Variants in BRINP1 observed in about 807,000 individuals in gnomAD.
BRINP1 encodes the protein BMP/retinoic acid inducible neural specific 1.
In BRINP1, 17 loss-of-function variants were observed where a neutral mutation model predicts 72.9. The observed-to-expected ratio is 0.23, with a 90% confidence interval of 0.16 to 0.35. The LOEUF is 0.35. Among genes scored for constraint, BRINP1 ranks in the 10% least tolerant of loss-of-function variants. BRINP1 has a pLI of 1.00. For synonymous variants in BRINP1, 418 were observed against 378.5 expected (o/e 1.10, Z -1.21); for missense variants, 850 against 1,001.6 (o/e 0.85, Z 2.04).
intron 1 of BRINP1, among the ~76,000 whole-genome samples, chr9:119,326,927 G>A (rs1353953870): frequency 6.6e-6 from 1 of 152,142 alleles, no homozygotes; most frequent in Non-Finnish European, 1.5e-5. Flanking sequence ...ACATTTGTGA[G>A]GTAATGAAAA....
intron 7 of BRINP1, among the ~76,000 whole-genome samples, chr9:119,184,365 C>T (rs1007648807): frequency 6.6e-6 from 1 of 152,000 alleles, no homozygotes; most frequent in Non-Finnish European, 1.5e-5. Flanking sequence ...TTTTTCCTGC[C>T]CATAAATAGA....
intron 5 of BRINP1, among the ~76,000 whole-genome samples, chr9:119,218,343 AC>A (rs1304831200): frequency 6.6e-6 from 1 of 151,716 alleles, no homozygotes; most frequent in African/African-American, 2.4e-5. Context: ...TAGGGTTTCA[AC>A]ATGTTGGTCA....
chr9:119,315,076 G>T (rs1194009593), intron 1 of BRINP1, among the ~76,000 whole-genome samples: 1 of 152,052 alleles, frequency 6.6e-6, no homozygotes, highest in Non-Finnish European at 1.5e-5. Flanking sequence ...AGCGTTATTT[G>T]TTTACTCCTC....
At chr9:119,359,739 A>G (rs560637300) in intron 1 of BRINP1, among the ~76,000 whole-genome samples, 1 of 152,346 alleles carries the variant, frequency 6.6e-6, no homozygotes, top group Admixed American at 6.5e-5. Context: ...CTCTGAGCTC[A>G]GTTTCAACCT....
chr9:119,199,762 T>C (rs1855076), intron 7 of BRINP1, among the ~76,000 whole-genome samples: 23,657 of 151,822 alleles, frequency 0.16, 2,219 homozygotes, highest in Admixed American at 0.26. Flanking sequence ...TTTTATCTCA[T>C]TTCATTGAAT....
At chr9:119,304,553 T>C (rs972458608) in intron 2 of BRINP1, among the ~76,000 whole-genome samples, 2 of 152,182 alleles carry the variant, frequency 1.3e-5, no homozygotes, top group African/African-American at 4.8e-5. Flanking sequence ...CCTTGAGAGA[T>C]AAAGAAATTG....
At chr9:119,186,874 C>T (rs926934606) in intron 7 of BRINP1, among the ~76,000 whole-genome samples, 2 of 152,090 alleles carry the variant, frequency 1.3e-5, no homozygotes, top group African/African-American at 4.8e-5. Context: ...CTGTTATGTC[C>T]CACCATTCCA....
In BRINP1 at chr9:119,166,952, G is replaced by A; in HGVS notation, c.*132C>T. The A allele has an allele frequency of 3.0e-6, 3 of 1,015,066 alleles. No homozygotes were observed. The highest frequency in any genetic ancestry group is 4.3e-6 in the Non-Finnish European group (3 of 690,092). 62.9% of individuals were successfully genotyped at this position (1,015,066 alleles called of 1,614,324 possible). A position where few individuals can be genotyped will look rare whatever the true frequency, so the allele number is the denominator to read the frequency against. On this transcript the variant is annotated 3_prime_UTR_variant, in exon 8 of 8. Coordinates refer to ENST00000265922, the MANE Select transcript of BRINP1 (RefSeq NM_014618.3). Reference sequence around the variant, plus strand: ...AACGTTTTCATTTCCAACAAATGAAGATTTTCCTCCTTTTCTTTGAATATT... The same window carrying A: ...AACGTTTTCATTTCCAACAAATGAAAATTTTCCTCCTTTTCTTTGAATATT...
Position 119,286,476 on chromosome 9 carries a change from C to T in BRINP1, c.218+26662G>A, listed in dbSNP as rs142968506. On this transcript the variant is annotated intron_variant, in intron 2 of 7. Coordinates refer to ENST00000265922, the MANE Select transcript of BRINP1 (RefSeq NM_014618.3). ...GTCTCCATCTCCTGACCTTGCGATC[C>T]GCCCACCTCGGCCTCCCAAAGTGAT... 5.2e-3 allele frequency among the ~76,000 whole-genome samples: 786 copies of T among 152,260 alleles called. 2 individuals carry two copies. The highest frequency in any genetic ancestry group is 0.02 in the Middle Eastern group (6 of 294).
chr9:119,338,460 T>TC (rs1308399984), intron 1 of BRINP1, among the ~76,000 whole-genome samples: 1 of 151,722 alleles, frequency 6.6e-6, no homozygotes, highest in Admixed American at 6.6e-5. Flanking sequence ...TAGGTGTTTT[T>TC]CCCCTCACGG....
Position 119,368,886 on chromosome 9 carries a change from C to T in BRINP1, c.-51+170G>A, listed in dbSNP as rs12344445. 0.13 allele frequency among the ~76,000 whole-genome samples: 19,974 copies of T among 152,182 alleles called. 1,471 individuals carry two copies. The highest frequency in any genetic ancestry group is 0.15 in the Non-Finnish European group (10,039 of 68,014). Reference sequence around the variant, plus strand: ...CCTTTGAGCCCCAGGCACAGGAACCCCCTCCCTAGAACTGGAGAAGACTTG... The same window carrying T: ...CCTTTGAGCCCCAGGCACAGGAACCTCCTCCCTAGAACTGGAGAAGACTTG... On this transcript the variant is annotated intron_variant, in intron 1 of 7. Transcript: ENST00000265922. This position sits in a 1 kb window ranked among gnomAD's most constrained non-coding sequence, Gnocchi z 4.7.
chr9:119,197,689 GTC>G (rs1829753807), intron 7 of BRINP1, among the ~76,000 whole-genome samples: 1 of 97,650 alleles, frequency 1.0e-5, no homozygotes, highest in African/African-American at 4.5e-5. Flanking sequence ...GAACACTCTT[GTC>G]TGGTGGGTTA....
intron 1 of BRINP1, among the ~76,000 whole-genome samples, chr9:119,340,700 G>A (rs1213102752): frequency 6.6e-6 from 1 of 152,134 alleles, no homozygotes; most frequent in South Asian, 2.1e-4. Flanking sequence ...GTTGGGAGAC[G>A]AGAAATAAAA....
At chr9:119,180,209 C>T (rs1829537200) in intron 7 of BRINP1, among the ~76,000 whole-genome samples, 1 of 152,180 alleles carries the variant, frequency 6.6e-6, no homozygotes, top group Non-Finnish European at 1.5e-5. Flanking sequence ...TAATCCATAA[C>T]TCCCATTTGC....
chr9:119,360,898 C>CA (rs1163664917), intron 1 of BRINP1, among the ~76,000 whole-genome samples: 1 of 152,170 alleles, frequency 6.6e-6, no homozygotes, highest in South Asian at 2.1e-4. Flanking sequence ...GCAGTTTACA[C>CA]AAAAATGGTT....
chr9:119,287,820 A>T (rs1377009161), intron 2 of BRINP1, among the ~76,000 whole-genome samples: 1 of 152,206 alleles, frequency 6.6e-6, no homozygotes, highest in African/African-American at 2.4e-5. Flanking sequence ...TTCTTGAAAT[A>T]TCCTTTTCTG....
chr9:119,217,615 A>C (rs1388913643), intron 5 of BRINP1, among the ~76,000 whole-genome samples: 1 of 152,168 alleles, frequency 6.6e-6, no homozygotes. Context: ...GGAACACCCA[A>C]GATGTCTTCC....
At chr9:119,330,970 C>A (rs560420033) in intron 1 of BRINP1, among the ~76,000 whole-genome samples, 77 of 151,998 alleles carry the variant, frequency 5.1e-4, no homozygotes, top group Non-Finnish European at 9.3e-4. Flanking sequence ...GAGGCTGCAG[C>A]GAGCCGAGAT....
chr9:119,178,584 A>G (rs528926005), intron 7 of BRINP1, among the ~76,000 whole-genome samples: 1 of 152,318 alleles, frequency 6.6e-6, no homozygotes, highest in South Asian at 2.1e-4. Flanking sequence ...GCAGTGTCCT[A>G]AACCAGCTGA....
Sources: gnomAD v4.1 joint callset for allele counts (sites outside exome capture counted in the v4.1 genomes callset) on GRCh38, gnomAD v4.1.1 for gene constraint, Gnocchi (gnomAD v3.1) non-coding constraint, MANE v1.5 for transcripts, NCBI Gene and HGNC (gene_info 2026-07-23, HGNC 2026-07-21) for gene names.